The following WWP1 variants were observed in gnomAD, a reference collection of about 807,000 sequenced individuals.
The protein encoded by WWP1 is WW domain containing E3 ubiquitin protein ligase 1.
Under a neutral mutation model 130.6 loss-of-function variants are expected in WWP1, and 49 were observed. That is an observed-to-expected ratio of 0.38 (90% CI 0.30 to 0.48). The LOEUF (loss-of-function observed/expected upper bound fraction) is 0.48, where lower values mean the gene tolerates loss of function less well. Among genes scored for constraint, WWP1 ranks in the 20% least tolerant of loss-of-function variants. The pLI, the probability that WWP1 is intolerant of heterozygous loss-of-function variation, is 0.99. For synonymous variants in WWP1, 332 were observed against 367.8 expected (o/e 0.90, Z 1.11); for missense variants, 809 against 1,100.6 (o/e 0.74, Z 3.75).
chr8:86,422,317 T>TTGTATGTATGTATGTA (rs201195308), intron 9 of WWP1, among the ~76,000 whole-genome samples: 2 of 95,848 alleles, frequency 2.1e-5, no homozygotes, highest in African/African-American at 1.6e-4. Flanking sequence ...AAGTACCAGT[T>TTGTATGTATGTATGTA]TGTATTTATT....
chr8:86,379,338 A>G (rs961062400), intron 3 of WWP1, among the ~76,000 whole-genome samples: 5 of 152,162 alleles, frequency 3.3e-5, no homozygotes, highest in East Asian at 3.9e-4. Context: ...TAAATATAGT[A>G]TTTGCTTGGA....
intron 22 of WWP1, among the ~76,000 whole-genome samples, chr8:86,458,628 ACTACT>A (rs1811583446): frequency 6.6e-6 from 1 of 152,298 alleles, no homozygotes; most frequent in African/African-American, 2.4e-5. Context: ...TCTTCAGATA[ACTACT>A]CTACTAATTG....
intron 9 of WWP1, among the ~76,000 whole-genome samples, chr8:86,418,526 A>G (rs1043131562): frequency 8.5e-5 from 13 of 152,298 alleles, no homozygotes; most frequent in African/African-American, 2.9e-4. Context: ...CAAACCCAAG[A>G]GAGCTGGATT....
intron 10 of WWP1, among the ~76,000 whole-genome samples, chr8:86,427,278 C>T (rs927408897): frequency 3.3e-5 from 5 of 152,038 alleles, no homozygotes; most frequent in Non-Finnish European, 4.4e-5. Flanking sequence ...TTTCCCTCCC[C>T]GTAAGGGGCT....
chr8:86,368,884 C>T (rs1346454481), intron 1 of WWP1, 55 bp from the exon 2 acceptor site: 1 of 152,088 alleles, frequency 6.6e-6, no homozygotes, highest in East Asian at 1.9e-4. Flanking sequence ...TAGTACTTTA[C>T]CTTTTGCATC....
chr8:86,372,268 C>T (rs910959237), intron 2 of WWP1, among the ~76,000 whole-genome samples: 18 of 151,916 alleles, frequency 1.2e-4, no homozygotes, highest in East Asian at 3.9e-4. Context: ...GTGATCCGCC[C>T]GTCTCGGCCT....
Position 86,411,590 on chromosome 8 carries a change from T to C in WWP1, c.777T>C (p.Gly259=), listed in dbSNP as rs1210633513. ...FAPTDNASVT[G]TPVVSEENAL... ...CAACTGATAATGCGTCTGTCACGGG[T>C]ACTCCAGTAGTGTCTGAAGAAAATG... The change falls in exon 9 of 25, where the codon GGT becomes GGC. Residue 259 remains glycine (G), a synonymous_variant. Transcript: ENST00000517970. 9.9e-6 allele frequency: 16 copies of C among 1,613,960 alleles called. No homozygotes were observed. Among genetic ancestry groups the C allele is most frequent in the Non-Finnish European group, 1.4e-5 (16 of 1,179,926 alleles).
chr8:86,399,883 G>A (rs941759509), intron 7 of WWP1, among the ~76,000 whole-genome samples: 3 of 152,094 alleles, frequency 2.0e-5, no homozygotes, highest in African/African-American at 7.2e-5. Context: ...AACACATCTT[G>A]TTCCAAATAT....
chr8:86,358,008 G>A (rs1371877878), intron 1 of WWP1, among the ~76,000 whole-genome samples: 1 of 152,072 alleles, frequency 6.6e-6, no homozygotes, highest in African/African-American at 2.4e-5. Context: ...TAAACTTTTG[G>A]GGTCTAATGT....
At chr8:86,410,465 C>T (rs1372109964) in intron 8 of WWP1, among the ~76,000 whole-genome samples, 1 of 151,974 alleles carries the variant, frequency 6.6e-6, no homozygotes, top group Non-Finnish European at 1.5e-5. Flanking sequence ...TTCTTTATAA[C>T]ACTTGGAAAG....
chr8:86,398,107 A>G (rs1006246569), intron 5 of WWP1, among the ~76,000 whole-genome samples: 4 of 152,204 alleles, frequency 2.6e-5, no homozygotes, highest in South Asian at 4.1e-4. Context: ...TATTATTTAA[A>G]TGTATTTATA....
intron 1 of WWP1, among the ~76,000 whole-genome samples, chr8:86,350,991 G>C (rs73268853): frequency 6.6e-6 from 1 of 152,062 alleles, no homozygotes; most frequent in African/African-American, 2.4e-5. Context: ...AGTTTTTAAC[G>C]GTAGAGGCAC....
At chr8:86,447,740 G>A (rs1017761125) in intron 18 of WWP1, among the ~76,000 whole-genome samples, 5 of 152,258 alleles carry the variant, frequency 3.3e-5, no homozygotes, top group Admixed American at 6.5e-5. Flanking sequence ...GCGAAGGCAC[G>A]ATGGGGTTAG....
At chr8:86,359,370 T>C (rs1272174561) in intron 1 of WWP1, among the ~76,000 whole-genome samples, 1 of 152,116 alleles carries the variant, frequency 6.6e-6, no homozygotes, top group East Asian at 1.9e-4. Context: ...AAGAAAAGTC[T>C]TGCCTATGGG....
chr8:86,381,721 G>T (rs1586309061), intron 5 of WWP1, 92 bp downstream of exon 5: 2 of 1,287,978 alleles, frequency 1.6e-6, no homozygotes. Flanking sequence ...ACATAGTTTT[G>T]TATCCATAAA....
intron 9 of WWP1, among the ~76,000 whole-genome samples, chr8:86,418,319 G>A (rs1809002898): frequency 6.6e-6 from 1 of 152,150 alleles, no homozygotes; most frequent in Admixed American, 6.5e-5. Flanking sequence ...CTTTTGAATG[G>A]TTTGTAGCGT....
At chr8:86,425,891 A>G (rs1315591227) in intron 10 of WWP1, among the ~76,000 whole-genome samples, 1 of 152,202 alleles carries the variant, frequency 6.6e-6, no homozygotes, top group Admixed American at 6.5e-5. Flanking sequence ...ATAACTGTCT[A>G]CATAACTGCA....
intron 9 of WWP1, among the ~76,000 whole-genome samples, chr8:86,420,214 C>T (rs1013605818): frequency 1.3e-5 from 2 of 152,154 alleles, no homozygotes; most frequent in African/African-American, 4.8e-5. Flanking sequence ...AGACAGCACT[C>T]ACTCTAGACT....
chr8:86,361,660 T>C (rs1347140668), intron 1 of WWP1, among the ~76,000 whole-genome samples: 2 of 152,088 alleles, frequency 1.3e-5, no homozygotes, highest in Admixed American at 6.6e-5. Context: ...AGCATGTCTT[T>C]CCTTTCCACT....
Sources: gnomAD v4.1 joint callset for allele counts (sites outside exome capture counted in the v4.1 genomes callset) on GRCh38, gnomAD v4.1.1 for gene constraint, MANE v1.5 for transcripts, NCBI Gene and HGNC (gene_info 2026-07-23, HGNC 2026-07-21) for gene names.